PCDH15: variants seen among roughly 807,000 people sequenced by gnomAD.
The protein encoded by PCDH15 is protocadherin related 15.
A neutral mutation model predicts 178.5 loss-of-function variants in PCDH15; 129 were observed. The observed-to-expected ratio is 0.72, with a 90% CI of 0.63 to 0.84. The LOEUF (loss-of-function observed/expected upper bound fraction) is 0.84, where lower values mean the gene tolerates loss of function less well. PCDH15 is among the 40% of genes least tolerant of loss of function. The pLI, the probability that PCDH15 is intolerant of heterozygous loss-of-function variation, is 0.00. For missense variants in PCDH15, 2,230 were observed against 2,099.9 expected (o/e 1.06, Z -1.21); for synonymous variants, 800 against 732.0 (o/e 1.09, Z -1.50).
chr10:55,484,805 A>G (rs1182156239), intron 2 of PCDH15, among the ~76,000 whole-genome samples: 1 of 151,734 alleles, frequency 6.6e-6, no homozygotes, highest in African/African-American at 2.4e-5. Flanking sequence ...TCTTTAATAA[A>G]TTGTGCTTGG....
At chr10:54,722,255 A>C (rs67464312) in intron 1 of PCDH15, among the ~76,000 whole-genome samples, 18,484 of 151,716 alleles carry the variant, frequency 0.12, 1,250 homozygotes, top group African/African-American at 0.17. Flanking sequence ...CAACAACCAA[A>C]ATTATGCTGA....
chr10:55,624,836 G>A (rs1837489423), intron 2 of PCDH15, among the ~76,000 whole-genome samples: 2 of 151,996 alleles, frequency 1.3e-5, no homozygotes, highest in Admixed American at 6.6e-5. Flanking sequence ...GGTTCAGAAC[G>A]TGATCAATCA....
intron 2 of PCDH15, among the ~76,000 whole-genome samples, chr10:55,152,411 C>T (rs576159371): frequency 6.6e-6 from 1 of 152,018 alleles, no homozygotes; most frequent in African/African-American, 2.4e-5. Flanking sequence ...GACTATAGAC[C>T]TATAATTACT....
At chr10:55,447,272 A>T (rs2132076760) in intron 2 of PCDH15, among the ~76,000 whole-genome samples, 1 of 152,176 alleles carries the variant, frequency 6.6e-6, no homozygotes, top group East Asian at 1.9e-4. Context: ...TATCTATGAG[A>T]CAACTGTAGA....
intron 2 of PCDH15, among the ~76,000 whole-genome samples, chr10:55,372,893 T>C (rs932693408): frequency 6.6e-6 from 1 of 151,758 alleles, no homozygotes; most frequent in South Asian, 2.1e-4. Context: ...ATTTATTACA[T>C]TCTATTTATT....
chr10:55,101,659 G>T (rs991668229), intron 2 of PCDH15, among the ~76,000 whole-genome samples: 1 of 151,520 alleles, frequency 6.6e-6, no homozygotes, highest in Non-Finnish European at 1.5e-5. Flanking sequence ...GATCTAGTTT[G>T]TAAAGTATGA....
intron 3 of PCDH15, among the ~76,000 whole-genome samples, chr10:54,417,936 T>C (rs1954686935): frequency 6.6e-6 from 1 of 152,176 alleles, no homozygotes; most frequent in African/African-American, 2.4e-5. Flanking sequence ...AGGGTCTTAT[T>C]ATTTTGCCCA....
At chr10:54,252,506 T>C (rs930516635) in intron 8 of PCDH15, among the ~76,000 whole-genome samples, 8 of 152,194 alleles carry the variant, frequency 5.3e-5, no homozygotes, top group African/African-American at 1.7e-4. Flanking sequence ...TATGCTTTCC[T>C]CTGCATTAGA....
At chr10:54,670,391 A>G (rs539240900) in intron 1 of PCDH15, among the ~76,000 whole-genome samples, 56 of 152,272 alleles carry the variant, frequency 3.7e-4, no homozygotes, top group Non-Finnish European at 7.6e-4. Flanking sequence ...GGAGAATTCA[A>G]ATCAGTGTCT....
intron 2 of PCDH15, among the ~76,000 whole-genome samples, chr10:55,102,591 T>C (rs1406646359): frequency 6.6e-6 from 1 of 152,152 alleles, no homozygotes; most frequent in Admixed American, 6.5e-5. Flanking sequence ...TACTGTACTG[T>C]ACTCTCCTAT....
rs1475390143 is a variant in PCDH15, at chr10:54,082,761, A to C, written c.1998-3337T>G. On this transcript the variant is annotated intron_variant, in intron 16 of 37. Coordinates refer to ENST00000644397, the MANE Select transcript of PCDH15 (RefSeq NM_001384140.1). ...TAGATATACTGAACTTCGTCAAAAT[A>C]AAAAAAAAAAAACCTTTTGTGCATC... Among the ~76,000 whole-genome samples the C allele has an allele frequency of 1.5e-4, 3 of 19,448 alleles. No individual in the cohort carries two copies. In the Admixed American group the frequency reaches 2.1e-3, roughly 14 times the overall value. 12.8% of individuals were successfully genotyped at this position (19,448 alleles called of 152,430 possible).
At chr10:55,155,732 A>T (rs1483191178) in intron 2 of PCDH15, among the ~76,000 whole-genome samples, 1 of 152,074 alleles carries the variant, frequency 6.6e-6, no homozygotes, top group Non-Finnish European at 1.5e-5. Flanking sequence ...TATCCCAAGG[A>T]TGCCAGAAGT....
intron 2 of PCDH15, among the ~76,000 whole-genome samples, chr10:55,060,635 C>T (rs1811294910): frequency 6.6e-6 from 1 of 151,558 alleles, no homozygotes; most frequent in Non-Finnish European, 1.5e-5. Context: ...TTAATGAATA[C>T]CTTTCACAAG....
intron 8 of PCDH15, among the ~76,000 whole-genome samples, chr10:54,259,066 A>C (rs2057124422): frequency 1.3e-5 from 2 of 152,164 alleles, no homozygotes; most frequent in Admixed American, 1.3e-4. Context: ...AGAAATTATG[A>C]AACTTCTAAA....
intron 21 of PCDH15, among the ~76,000 whole-genome samples, chr10:53,973,115 A>G (rs1276960231): frequency 6.6e-6 from 1 of 152,098 alleles, no homozygotes; most frequent in Non-Finnish European, 1.5e-5. Flanking sequence ...GCAGCCATAA[A>G]AAAGGATGAG....
rs7900785 is a variant in PCDH15 at position 54,262,590 on chromosome 10, T to C, written c.877-25659A>G. Among the ~76,000 whole-genome samples the C allele has an allele frequency of 8.1e-3, 1,239 of 152,082 alleles. 12 individuals are homozygous for C. Among genetic ancestry groups the C allele is most frequent in the African/African-American group, 0.028 (1,162 of 41,490 alleles). On this transcript the variant is annotated intron_variant, in intron 8 of 37. Transcript: ENST00000644397. ...CGTGAGCTCAGTCCCGTGAGCCCAG[T>C]CCCAACTCCCCAAGACTCCAGTACA...
chr10:55,314,199 G>A lies in PCDH15; in HGVS notation c.-156+5400C>T, dbSNP rs868578570. 4.8e-3 allele frequency among the ~76,000 whole-genome samples: 689 copies of A among 142,796 alleles called. 8 individuals carry two copies. Among genetic ancestry groups the A allele is most frequent in the African/African-American group, 0.016 (638 of 39,328 alleles). The allele number at this position is 142,796 out of a possible 152,430, so 93.7% of individuals were successfully genotyped here. A position where few individuals can be genotyped will look rare whatever the true frequency, so the allele number is the denominator to read the frequency against. ...ATATATACATTATATATGTTTGTGTGTATATATATATATATATATATGTAA... is the reference window on the plus strand; with the variant it reads ...ATATATACATTATATATGTTTGTGTATATATATATATATATATATATGTAA... On this transcript the variant is annotated intron_variant, in intron 1 of 5. Coordinates refer to the PCDH15 transcript ENST00000458638.
intron 32 of PCDH15, chr10:53,821,055 C>G: frequency 1.1e-6 from 1 of 937,906 alleles, no homozygotes; most frequent in South Asian, 4.9e-5. Flanking sequence ...AATTAAACAG[C>G]ACTTTTTAAG....
At chr10:55,453,700 G>A (rs1004925414) in intron 2 of PCDH15, among the ~76,000 whole-genome samples, 12 of 151,948 alleles carry the variant, frequency 7.9e-5, no homozygotes, top group Admixed American at 6.6e-4. Context: ...TGACTATAGG[G>A]CCCTTTCCAC....
Sources: gnomAD v4.1 joint callset for allele counts (sites outside exome capture counted in the v4.1 genomes callset) on GRCh38, gnomAD v4.1.1 for gene constraint, MANE v1.5 for transcripts, NCBI Gene and HGNC (gene_info 2026-07-23, HGNC 2026-07-21) for gene names.